The following SGCD variants were observed in gnomAD, a reference collection of about 807,000 sequenced individuals.
SGCD encodes sarcoglycan delta.
SGCD carries 18 observed loss-of-function variants against 36.6 expected under a neutral mutation model. The observed-to-expected ratio is 0.49, with a 90% CI of 0.34 to 0.73. SGCD has a LOEUF of 0.73. SGCD is among the 30% of genes least tolerant of loss of function. The probability of loss-of-function intolerance (pLI) is 0.01; values close to 1 mark genes in which losing one functional copy is unlikely to be tolerated. For missense variants in SGCD, 387 were observed against 346.7 expected, an observed-to-expected ratio of 1.12 and a Z score of -0.92; for synonymous variants, 133 against 130.6, an observed-to-expected ratio of 1.02 and a Z score of -0.12.
At chr5:156,264,306 A>G (rs900027329) in intron 3 of SGCD, among the ~76,000 whole-genome samples, 4 of 152,118 alleles carry the variant, frequency 2.6e-5, no homozygotes, top group African/African-American at 9.7e-5. Flanking sequence ...TCAGATCATT[A>G]AGGAACACTG....
chr5:156,355,722 C>T lies in SGCD; in HGVS notation c.192+11045C>T, dbSNP rs575498460. 7.2e-5 allele frequency among the ~76,000 whole-genome samples: 11 copies of T among 152,254 alleles called. No homozygotes were observed. The South Asian group carries it at 8.3e-4, about 11-fold the overall frequency. ...TGTGATCCCAGCTCACTCCAAAGTCCGCCTCCCAGGTTCAAGCGATTGTTG... is the reference window on the plus strand; with the variant it reads ...TGTGATCCCAGCTCACTCCAAAGTCTGCCTCCCAGGTTCAAGCGATTGTTG... On this transcript the variant is annotated intron_variant, in intron 3 of 8. Transcript: ENST00000337851.
At chr5:156,129,453 A>G (rs1762256956) in intron 3 of SGCD, among the ~76,000 whole-genome samples, 1 of 152,190 alleles carries the variant, frequency 6.6e-6, no homozygotes, top group South Asian at 2.1e-4. Context: ...GTTACTACTC[A>G]TTTGGCATAA....
intron 1 of SGCD, among the ~76,000 whole-genome samples, chr5:155,894,436 A>G (rs548257406): frequency 1.8e-4 from 28 of 152,118 alleles, no homozygotes; most frequent in Non-Finnish European, 3.5e-4. Flanking sequence ...AGATCAAGGG[A>G]CTTCTGTCTT....
intron 3 of SGCD, among the ~76,000 whole-genome samples, chr5:156,492,461 C>G (rs1423972600): frequency 6.6e-6 from 1 of 152,028 alleles, no homozygotes; most frequent in Non-Finnish European, 1.5e-5. Flanking sequence ...ATTCCAGTCT[C>G]AAGGCAGGAA....
At chr5:156,507,743 A>G (rs1756763528) in intron 3 of SGCD, among the ~76,000 whole-genome samples, 2 of 152,338 alleles carry the variant, frequency 1.3e-5, no homozygotes, top group South Asian at 2.1e-4. Flanking sequence ...ATATGTGTAT[A>G]TATTTGTATA....
At chr5:156,190,554 C>T (rs1763865269) in intron 3 of SGCD, among the ~76,000 whole-genome samples, 1 of 152,060 alleles carries the variant, frequency 6.6e-6, no homozygotes, top group South Asian at 2.1e-4. Context: ...TGCTATTATT[C>T]CTGCTGTGTA....
At chr5:156,524,660 G>A (rs1487232220) in intron 4 of SGCD, among the ~76,000 whole-genome samples, 1 of 151,746 alleles carries the variant, frequency 6.6e-6, no homozygotes, top group African/African-American at 2.4e-5. Context: ...ATTACCTATA[G>A]TCACCATGTT....
At chr5:155,870,387 G>A (rs1755607364) in exon 1 of SGCD, 1 of 152,134 alleles carries the variant, frequency 6.6e-6, no homozygotes, top group Non-Finnish European at 1.5e-5. Context: ...TCAGTGAGTG[G>A]TCCCCCAATT....
At chr5:156,306,765 TTC>T (rs1767224423) in intron 3 of SGCD, among the ~76,000 whole-genome samples, 1 of 152,230 alleles carries the variant, frequency 6.6e-6, no homozygotes, top group Admixed American at 6.5e-5. Context: ...TGGACAGTTG[TTC>T]AATTTCGTGT....
At chr5:155,906,207 G>C (rs939098909) in intron 1 of SGCD, among the ~76,000 whole-genome samples, 2 of 152,066 alleles carry the variant, frequency 1.3e-5, no homozygotes, top group Admixed American at 1.3e-4. Context: ...CTTAATTGAT[G>C]AATGTTGTAT....
chr5:156,458,557 A>G (rs1424056336), intron 3 of SGCD: 1 of 1,169,088 alleles, frequency 8.6e-7, no homozygotes, highest in Non-Finnish European at 1.3e-6. Context: ...CTCAAACCGC[A>G]TATGTCAAAA....
At chr5:155,854,149 C>T in the SGCD span, among the ~76,000 whole-genome samples, 14,695 of 152,118 alleles carry the variant, frequency 0.097, 860 homozygotes, top group South Asian at 0.2. Context: ...AATTAGGATT[C>T]GTTAATCAAG....
chr5:156,718,644 A>G (rs571574212), intron 7 of SGCD, among the ~76,000 whole-genome samples: 1 of 151,800 alleles, frequency 6.6e-6, no homozygotes, highest in Non-Finnish European at 1.5e-5. Context: ...ATTATTTTAT[A>G]TAGGGATAAT....
intron 1 of SGCD, among the ~76,000 whole-genome samples, chr5:155,993,920 C>T (rs1758486685): frequency 6.6e-6 from 1 of 152,154 alleles, no homozygotes; most frequent in Non-Finnish European, 1.5e-5. Flanking sequence ...GAAAGTCCAC[C>T]AAGGTTCAAG....
At chr5:156,572,379 T>C (rs574345733) in intron 4 of SGCD, among the ~76,000 whole-genome samples, 2 of 152,300 alleles carry the variant, frequency 1.3e-5, no homozygotes, top group South Asian at 2.1e-4. Context: ...TGTATGAGGG[T>C]TCCAGTTTCT....
At chr5:156,628,086 G>T (rs970794550) in intron 6 of SGCD, among the ~76,000 whole-genome samples, 1 of 152,174 alleles carries the variant, frequency 6.6e-6, no homozygotes, top group African/African-American at 2.4e-5. Context: ...GAAGGCAGAG[G>T]GGGAGCAAGC....
At chr5:156,256,647 T>C (rs1765724128) in intron 3 of SGCD, among the ~76,000 whole-genome samples, 1 of 152,222 alleles carries the variant, frequency 6.6e-6, no homozygotes, top group Non-Finnish European at 1.5e-5. Flanking sequence ...GTATTTTGAT[T>C]GACATACATT....
chr5:156,326,904 C>G (rs7717393), upstream of SGCD: 11,559 of 152,334 alleles, frequency 0.076, 454 homozygotes, highest in South Asian at 0.19. Flanking sequence ...GCAGGGGAGT[C>G]GGCCTGTGCT....
chr5:156,039,859 G>T (rs1036717903), intron 1 of SGCD, among the ~76,000 whole-genome samples: 1 of 151,740 alleles, frequency 6.6e-6, no homozygotes, highest in African/African-American at 2.4e-5. Context: ...CTATATAAAA[G>T]AAAAAAAATC....
Sources: gnomAD v4.1 joint callset for allele counts (sites outside exome capture counted in the v4.1 genomes callset) on GRCh38, gnomAD v4.1.1 for gene constraint, MANE v1.5 for transcripts, NCBI Gene and HGNC (gene_info 2026-07-23, HGNC 2026-07-21) for gene names.